The following INPP4B variants were observed in gnomAD, a reference collection of about 807,000 sequenced individuals.
INPP4B encodes the protein inositol polyphosphate 4-phosphatase type II.
In INPP4B, 55 loss-of-function variants were observed where a neutral mutation model predicts 122.5. That is an observed-to-expected ratio of 0.45 (90% CI 0.36 to 0.56). The LOEUF is 0.56. Ranked by LOEUF, INPP4B falls within the 20% of genes least tolerant of loss-of-function variation. INPP4B has a pLI of 0.00. For synonymous variants in INPP4B, 403 were observed against 388.7 expected, an observed-to-expected ratio of 1.04 and a Z score of -0.43; for missense variants, 1,000 against 1,097.7, an observed-to-expected ratio of 0.91 and a Z score of 1.26.
chr4:142,237,773 A>T, intron 12 of INPP4B, 91 bp downstream of exon 12: 1 of 725,422 alleles, frequency 1.4e-6, no homozygotes. Context: ...ATATTTCAAA[A>T]TGTTGCACAG....
At chr4:142,633,405 A>G (rs1265889737) in intron 2 of INPP4B, among the ~76,000 whole-genome samples, 1 of 152,204 alleles carries the variant, frequency 6.6e-6, no homozygotes, top group African/African-American at 2.4e-5. Context: ...ACTGAAAAAT[A>G]TAGAGCGCTT....
Position 142,028,399 on chromosome 4 carries a change from T to C in INPP4B, c.*383A>G, listed in dbSNP as rs1466673670. The C allele has an allele frequency of 4.2e-6, 1 of 240,364 alleles. No individual in the cohort carries two copies. The allele number at this position is 240,364 out of a possible 1,614,324, so 14.9% of individuals were successfully genotyped here. A position where few individuals can be genotyped will look rare whatever the true frequency, so the allele number is the denominator to read the frequency against. Reference sequence around the variant, plus strand: ...AAAAAAAATATGTTCCTTTTCCCCCTCTCCTCTCTTCCATTTGGTTGGAGA... The same window carrying C: ...AAAAAAAATATGTTCCTTTTCCCCCCCTCCTCTCTTCCATTTGGTTGGAGA... On this transcript the variant is annotated 3_prime_UTR_variant, in exon 26 of 26. Coordinates refer to ENST00000262992, the MANE Select transcript of INPP4B (RefSeq NM_001101669.3).
At chr4:142,325,966 C>T (rs1772205825) in intron 7 of INPP4B, among the ~76,000 whole-genome samples, 1 of 152,206 alleles carries the variant, frequency 6.6e-6, no homozygotes, top group Non-Finnish European at 1.5e-5. Flanking sequence ...TATCTGTAGA[C>T]ATCACCTTCC....
chr4:142,658,708 C>A (rs1030509038), intron 2 of INPP4B, among the ~76,000 whole-genome samples: 1 of 152,186 alleles, frequency 6.6e-6, no homozygotes, highest in East Asian at 1.9e-4. Flanking sequence ...GAAGGGTATG[C>A]TTCCCTTTAA....
At chr4:142,255,163 T>C (rs1297448911) in intron 11 of INPP4B, among the ~76,000 whole-genome samples, 1 of 151,600 alleles carries the variant, frequency 6.6e-6, no homozygotes, top group African/African-American at 2.4e-5. Context: ...CTGAGAGATT[T>C]TGTCACCACC....
chr4:142,114,739 T>C (rs967169348), intron 21 of INPP4B, among the ~76,000 whole-genome samples: 9 of 152,194 alleles, frequency 5.9e-5, no homozygotes, highest in African/African-American at 1.9e-4. Flanking sequence ...CTTAATGGTG[T>C]TCTTTTGATG....
intron 23 of INPP4B, among the ~76,000 whole-genome samples, chr4:142,092,282 A>G (rs1483895068): frequency 6.6e-6 from 1 of 151,930 alleles, no homozygotes; most frequent in African/African-American, 2.4e-5. Context: ...CAAAGGAGAT[A>G]TTGTTTTTTG....
chr4:142,031,617 T>A (rs2152274585), intron 25 of INPP4B, among the ~76,000 whole-genome samples: 1 of 152,296 alleles, frequency 6.6e-6, no homozygotes. Context: ...ATTTTTGATT[T>A]GCATTTATTC....
intron 18 of INPP4B, among the ~76,000 whole-genome samples, chr4:142,133,277 A>G (rs1561236534): frequency 6.6e-6 from 1 of 152,162 alleles, no homozygotes; most frequent in African/African-American, 2.4e-5. Flanking sequence ...TTCCAAATTA[A>G]TGTCTTTAGC....
rs1478474606 is a variant in INPP4B at position 142,173,807 on chromosome 4, G to A, written c.1184C>T (p.Thr395Ile). ...LHRFETERRN[T>I]GYQFIYYSPE... is the part of the protein sequence containing the mutation. ...TGAATAGTAAATAAACTGGTATCCG[G>A]TACTGCAACAACAAAGATAAAAATA... Residue 395 changes from threonine (T) to isoleucine (I), a missense_variant and splice_region_variant, in exon 16 of 26, where the codon ACC becomes ATC. Transcript: ENST00000262992. 1 of 1,611,522 alleles carries A rather than the reference G, an allele frequency of 6.2e-7. No individual in the cohort carries two copies. Among genetic ancestry groups the A allele is most frequent in the Non-Finnish European group, 8.5e-7 (1 of 1,178,212 alleles).
At chr4:142,157,565 A>G (rs1299346901) in intron 17 of INPP4B, among the ~76,000 whole-genome samples, 1 of 152,128 alleles carries the variant, frequency 6.6e-6, no homozygotes, top group Admixed American at 6.5e-5. Context: ...AGATGCAGAG[A>G]GCAATGCAGC....
At chr4:142,127,085 G>A (rs926251877) in intron 18 of INPP4B, among the ~76,000 whole-genome samples, 3 of 152,102 alleles carry the variant, frequency 2.0e-5, no homozygotes, top group Admixed American at 1.3e-4. Flanking sequence ...AGTAGGTGGC[G>A]CTGCTTAATC....
chr4:142,059,814 A>T (rs1759637571), intron 25 of INPP4B, among the ~76,000 whole-genome samples: 1 of 152,158 alleles, frequency 6.6e-6, no homozygotes, highest in Non-Finnish European at 1.5e-5. Context: ...CTCAGGACTG[A>T]CATGCCAGTT....
At chr4:142,537,429 T>TATATATATAGAGAGAGAGAGAGAG (rs1200701380) in intron 2 of INPP4B, among the ~76,000 whole-genome samples, 1 of 25,486 alleles carries the variant, frequency 3.9e-5, no homozygotes, top group Non-Finnish European at 9.2e-5. Context: ...TATATATATA[T>TATATATATAGAGAGAGAGAGAGAG]AGAGAGAGAG....
chr4:142,134,614 G>A (rs1803047100), intron 18 of INPP4B, among the ~76,000 whole-genome samples: 1 of 151,802 alleles, frequency 6.6e-6, no homozygotes, highest in South Asian at 2.1e-4. Flanking sequence ...TGAACAACAT[G>A]GAGAAACCCC....
chr4:142,650,457 G>C (rs1439865217), intron 2 of INPP4B, among the ~76,000 whole-genome samples: 1 of 151,838 alleles, frequency 6.6e-6, no homozygotes, highest in Non-Finnish European at 1.5e-5. Context: ...TCAGTGTGCT[G>C]TATTCAGGAG....
chr4:142,653,709 G>A (rs945835235), intron 2 of INPP4B, among the ~76,000 whole-genome samples: 4 of 152,154 alleles, frequency 2.6e-5, no homozygotes, highest in Non-Finnish European at 4.4e-5. Flanking sequence ...TCATTAAAAT[G>A]TCAGGAAACA....
intron 5 of INPP4B, among the ~76,000 whole-genome samples, chr4:142,424,070 C>G (rs1262539518): frequency 6.6e-6 from 1 of 151,960 alleles, no homozygotes; most frequent in African/African-American, 2.4e-5. Flanking sequence ...ATACAGCTCT[C>G]CTACTCTAGA....
At chr4:142,455,144 A>G (rs1815118716) in intron 3 of INPP4B, among the ~76,000 whole-genome samples, 1 of 151,972 alleles carries the variant, frequency 6.6e-6, no homozygotes, top group Non-Finnish European at 1.5e-5. Flanking sequence ...CCCTCAAGCA[A>G]TTATCCTTTG....
Sources: gnomAD v4.1 joint callset for allele counts (sites outside exome capture counted in the v4.1 genomes callset) on GRCh38, gnomAD v4.1.1 for gene constraint, MANE v1.5 for transcripts, NCBI Gene and HGNC (gene_info 2026-07-23, HGNC 2026-07-21) for gene names.